The following CC2D2B variants were observed in gnomAD, a reference collection of about 807,000 sequenced individuals.
CC2D2B encodes the protein coiled-coil and C2 domain containing 2B, also known as protein CC2D2B.
Under a neutral mutation model 161.2 loss-of-function variants are expected in CC2D2B, and 128 were observed. The observed-to-expected ratio is 0.79, with a 90% CI of 0.69 to 0.92. The LOEUF is 0.92. CC2D2B is among the 40% of genes least tolerant of loss of function. CC2D2B has a pLI of 0.00. For missense variants in CC2D2B, 1,173 were observed against 1,375.1 expected (o/e 0.85, Z 2.32); for synonymous variants, 391 against 449.8 (o/e 0.87, Z 1.65).
At chr10:95,922,998 A>C (rs576381215) in intron 3 of CC2D2B, among the ~76,000 whole-genome samples, 63 of 150,446 alleles carry the variant, frequency 4.2e-4, no homozygotes, top group Non-Finnish European at 8.0e-4. Context: ...TATTGCTCAG[A>C]CTGGAGTGCA....
Position 96,025,192 on chromosome 10 carries a change from A to AAAAAT in CC2D2B, c.3947+282_3947+283insAAATA, listed in dbSNP as rs1284499689. On this transcript the variant is annotated intron_variant, in intron 33 of 34. Transcript: ENST00000646931. ...ATATATATATATATATATAAAAAAA[A>AAAAAT]ATATATATATATATATATATATATA... is the stretch of plus-strand genomic sequence containing the variant. Among the ~76,000 whole-genome samples the AAAAAT allele has an allele frequency of 9.2e-4, 45 of 49,164 alleles. 2 individuals are homozygous for AAAAAT. The highest frequency in any genetic ancestry group is 3.1e-3 in the African/African-American group (37 of 12,108). The allele number at this position is 49,164 out of a possible 152,430, so 32.3% of individuals were successfully genotyped here.
intron 20 of CC2D2B, among the ~76,000 whole-genome samples, chr10:95,990,642 C>T (rs1449303807): frequency 2.6e-5 from 4 of 152,222 alleles, no homozygotes; most frequent in South Asian, 2.1e-4. Context: ...TTTCCCTACC[C>T]GCTTCAAGAA....
chr10:96,005,190 G>T (rs1193685053), intron 25 of CC2D2B, among the ~76,000 whole-genome samples: 1 of 152,158 alleles, frequency 6.6e-6, no homozygotes, highest in Non-Finnish European at 1.5e-5. Context: ...CCAAAAGAAT[G>T]TCTAACAAAT....
At chr10:95,947,717 C>A (rs2076271414) in intron 9 of CC2D2B, among the ~76,000 whole-genome samples, 1 of 151,740 alleles carries the variant, frequency 6.6e-6, no homozygotes, top group African/African-American at 2.4e-5. Flanking sequence ...ACACTGCATT[C>A]CAGCCTGGTG....
At chr10:96,027,990 C>T (rs1271209181) in intron 34 of CC2D2B, among the ~76,000 whole-genome samples, 1 of 152,114 alleles carries the variant, frequency 6.6e-6, no homozygotes, top group Admixed American at 6.6e-5. Flanking sequence ...TCAAATCAAG[C>T]TGGACTAAAG....
intron 22 of CC2D2B, among the ~76,000 whole-genome samples, chr10:95,993,884 TATATAG>T (rs1456698401): frequency 2.1e-4 from 18 of 87,212 alleles, no homozygotes; most frequent in African/African-American, 6.4e-4. Flanking sequence ...TATATATATA[TATATAG>T]AGAGAGAGAA....
chr10:95,995,430 CTT>C (rs2078193394), intron 23 of CC2D2B, 65 bp downstream of exon 23: 2 of 755,688 alleles, frequency 2.6e-6, no homozygotes, highest in Non-Finnish European at 4.1e-6. Context: ...ACAATTGACT[CTT>C]AATTCATCTC....
chr10:96,025,170 T>TATAAAAAA (rs2079662066), intron 33 of CC2D2B, among the ~76,000 whole-genome samples: 1 of 19,326 alleles, frequency 5.2e-5, no homozygotes, highest in African/African-American at 2.1e-4. Flanking sequence ...TATATATATA[T>TATAAAAAA]ATATATATAT....
chr10:96,023,213 A>C (rs2079545961), intron 32 of CC2D2B, among the ~76,000 whole-genome samples: 1 of 152,210 alleles, frequency 6.6e-6, no homozygotes, highest in Admixed American at 6.5e-5. Context: ...TGAATCTATA[A>C]ATGTAAAACT....
rs2077811579 is a variant in CC2D2B, at chr10:95,988,348, A to AGTTGTT, written c.2379+6_2379+7insGTTGTT. On this transcript the variant is annotated splice_region_variant and intron_variant, in intron 20 of 34. Coordinates refer to ENST00000646931, the MANE Select transcript of CC2D2B (RefSeq NM_001349008.3). The stretch of plus-strand genomic sequence containing the variant: ...CTGCCAATTTTCTGAAAAAGGTAAC[A>AGTTGTT]ACACAGTATTATCAATATATTTGCA... 2 of 1,167,584 alleles carry AGTTGTT rather than the reference A, an allele frequency of 1.7e-6. No homozygotes were observed. The highest frequency in any genetic ancestry group is 3.6e-5 in the African/African-American group (2 of 55,576). 72.3% of individuals were successfully genotyped at this position (1,167,584 alleles called of 1,614,324 possible).
intron 1 of CC2D2B, among the ~76,000 whole-genome samples, chr10:95,910,286 A>G (rs747539181): frequency 2.0e-5 from 3 of 152,246 alleles, no homozygotes; most frequent in Non-Finnish European, 2.9e-5. Flanking sequence ...TTGCGTTGCA[A>G]TAGAAGAATA....
chr10:96,027,808 G>A (rs1007636380), intron 34 of CC2D2B, among the ~76,000 whole-genome samples: 3 of 152,126 alleles, frequency 2.0e-5, no homozygotes, highest in Non-Finnish European at 4.4e-5. Flanking sequence ...CAATGGAACA[G>A]AATAGAGAAC....
chr10:96,001,542 T>C (rs1413892434), intron 24 of CC2D2B, among the ~76,000 whole-genome samples: 1 of 152,164 alleles, frequency 6.6e-6, no homozygotes, highest in Non-Finnish European at 1.5e-5. Context: ...TGTGATGACA[T>C]CTTGGAGGCT....
intron 17 of CC2D2B, among the ~76,000 whole-genome samples, chr10:95,976,532 T>C (rs559501985): frequency 3.3e-4 from 50 of 152,242 alleles, no homozygotes; most frequent in African/African-American, 1.1e-3. Context: ...TTTCCCACAG[T>C]TTTGTTGTGG....
chr10:96,014,086 A>G (rs11188557), intron 29 of CC2D2B, among the ~76,000 whole-genome samples: 10,507 of 152,240 alleles, frequency 0.069, 1,280 homozygotes, highest in East Asian at 0.55. Context: ...GTGGTAGCTC[A>G]TGAATATTTT....
chr10:96,012,292 A>C lies in CC2D2B; in HGVS notation c.3153A>C (p.Glu1051Asp). ...ATTCCAATGAGCAGAATTTAAAAGAATGTACATTCTTAAATATTTTTGCTA... is the reference window on the plus strand; with the variant it reads ...ATTCCAATGAGCAGAATTTAAAAGACTGTACATTCTTAAATATTTTTGCTA... ...KEDSNEQNLKECTFLNIFATI... is the reference protein window; with the variant it reads ...KEDSNEQNLKDCTFLNIFATI... The change falls in exon 27 of 35, where the codon GAA becomes GAC. Residue 1051 changes from glutamate (E) to aspartate (D), a missense_variant. Around this residue, in one of 3 missense-constraint regions of CC2D2B, gnomAD observed 598 missense variants for 693.2 expected, o/e 0.86. Transcript: ENST00000646931. 1 of 714,294 alleles carries C rather than the reference A, an allele frequency of 1.4e-6. No individual in the cohort carries two copies. The highest frequency in any genetic ancestry group is 2.6e-6 in the Non-Finnish European group (1 of 384,482). 44.2% of individuals were successfully genotyped at this position (714,294 alleles called of 1,614,324 possible).
rs1590675256 is a variant in CC2D2B, at chr10:95,972,129, A to G, written c.1708A>G (p.Thr570Ala). The change falls in exon 16 of 35, where the codon ACA becomes GCA. Residue 570 changes from threonine (T) to alanine (A), a missense_variant. By Grantham distance (58) the Thr-to-Ala change is moderately conservative. Around this residue, in one of 3 missense-constraint regions of CC2D2B, gnomAD observed 277 missense variants for 420.6 expected, o/e 0.66. Transcript: ENST00000646931. ...AKLYIPLPNYTELKGKTALQY... is the reference protein window; with the variant it reads ...AKLYIPLPNYAELKGKTALQY... ...ACTATATATACCTTTACCTAACTAC[A>G]CAGAGCTGAAAGGCAAAACCGCTTT... is the stretch of plus-strand genomic sequence containing the variant. The G allele has an allele frequency of 8.1e-7, 1 of 1,231,458 alleles. No homozygotes were observed. Among genetic ancestry groups the G allele is most frequent in the Non-Finnish European group, 1.0e-6 (1 of 987,362 alleles). 76.3% of individuals were successfully genotyped at this position (1,231,458 alleles called of 1,614,324 possible). A position where few individuals can be genotyped will look rare whatever the true frequency, so the allele number is the denominator to read the frequency against.
intron 15 of CC2D2B, among the ~76,000 whole-genome samples, chr10:95,969,119 C>T (rs975177812): frequency 4.1e-5 from 6 of 146,010 alleles, no homozygotes; most frequent in East Asian, 1.9e-4. Context: ...TCCAAATACT[C>T]GTCTCCTGCT....
At chr10:95,988,590 C>G (rs954227799) in intron 20 of CC2D2B, among the ~76,000 whole-genome samples, 10 of 152,168 alleles carry the variant, frequency 6.6e-5, no homozygotes, top group Non-Finnish European at 1.5e-4. Context: ...ATTTTAAAGA[C>G]TTCCCATCTC....
Sources: allele counts gnomAD v4.1 joint callset (sites outside exome capture counted in the v4.1 genomes callset), GRCh38; gene constraint gnomAD v4.1.1; regional missense constraint gnomAD v4.1.1; transcripts MANE v1.5; gene names NCBI Gene and HGNC (gene_info 2026-07-23, HGNC 2026-07-21).